Variants in TENM3 observed in about 807,000 individuals in gnomAD.
TENM3 encodes teneurin-3.
Under a neutral mutation model 255.1 loss-of-function variants are expected in TENM3, and 63 were observed. That is an observed-to-expected ratio of 0.25 (90% confidence interval 0.20 to 0.30). TENM3 has a LOEUF of 0.30. Among genes scored for constraint, TENM3 ranks in the 10% least tolerant of loss-of-function variants. The pLI is 1.00. For synonymous variants in TENM3, 1,306 were observed against 1,322.3 expected (o/e 0.99, Z 0.27); for missense variants, 2,929 against 3,461.1 (o/e 0.85, Z 3.86).
intron 1 of TENM3, among the ~76,000 whole-genome samples, chr4:182,211,742 CT>C (rs1224164902): frequency 6.6e-5 from 10 of 152,270 alleles, no homozygotes; most frequent in African/African-American, 2.4e-4. Context: ...TATGGAACTG[CT>C]TTCTGATTTA....
chr4:182,799,560 G>A lies in TENM3; in HGVS notation c.7345-36G>A. On this transcript the variant is annotated intron_variant, in intron 27 of 27. Transcript: ENST00000511685. The surrounding 1 kb of genome is among the most constrained non-coding windows in gnomAD (Gnocchi z 4.2). ...GTCAGGAGTGGGGAGGCTCCCGGCC[G>A]CCTCTGACGCGCCCCCTCTTTTGTT... is the stretch of plus-strand genomic sequence containing the variant. 6.6e-7 allele frequency: 1 copy of A among 1,521,950 alleles called. No homozygotes were observed. Among genetic ancestry groups the A allele is most frequent in the Non-Finnish European group, 8.7e-7 (1 of 1,142,898 alleles). The allele number at this position is 1,521,950 out of a possible 1,614,324, so 94.3% of individuals were successfully genotyped here.
the TENM3 span, among the ~76,000 whole-genome samples, chr4:181,563,710 C>A: frequency 6.6e-6 from 1 of 152,170 alleles, no homozygotes; most frequent in Non-Finnish European, 1.5e-5. Flanking sequence ...TTTCCACTGT[C>A]ATTTAATAAC....
chr4:182,188,680 C>G (rs865806182), intron 1 of TENM3, among the ~76,000 whole-genome samples: 7 of 152,128 alleles, frequency 4.6e-5, no homozygotes, highest in African/African-American at 9.7e-5. Context: ...CATGATTTGA[C>G]AGTATCACAT....
intron 3 of TENM3, among the ~76,000 whole-genome samples, chr4:182,513,505 A>G (rs1010684770): frequency 2.6e-5 from 4 of 152,198 alleles, no homozygotes; most frequent in East Asian, 1.9e-4. Context: ...TGAATGAAAA[A>G]AAAAAAAACC....
the TENM3 span, among the ~76,000 whole-genome samples, chr4:181,834,180 A>G: frequency 6.6e-5 from 10 of 151,568 alleles, no homozygotes; most frequent in Admixed American, 6.6e-4. Context: ...ATTTGTCCCT[A>G]TTGCCTCACT....
the TENM3 span, among the ~76,000 whole-genome samples, chr4:181,958,013 C>A: frequency 5.3e-5 from 8 of 152,128 alleles, no homozygotes; most frequent in Admixed American, 4.6e-4. Context: ...ATTATGAAGT[C>A]TTGGAAGAAA....
At chr4:182,084,973 G>A in the TENM3 span, 1 of 152,120 alleles carries the variant, frequency 6.6e-6, no homozygotes, top group Non-Finnish European at 1.5e-5. Context: ...ATGACAAAAT[G>A]CAGAGAAACA....
At chr4:182,486,712 A>G (rs11733432) in intron 3 of TENM3, among the ~76,000 whole-genome samples, 31,442 of 152,096 alleles carry the variant, frequency 0.21, 3,572 homozygotes, top group Non-Finnish European at 0.26. Flanking sequence ...TTCCATCTGG[A>G]CTGTGTCTTA....
the TENM3 span, among the ~76,000 whole-genome samples, chr4:181,594,210 G>T: frequency 6.6e-6 from 1 of 152,108 alleles, no homozygotes; most frequent in Non-Finnish European, 1.5e-5. Context: ...GATGAATAAG[G>T]TGAAGTGTGA....
chr4:182,675,728 A>G (rs1223567981), intron 7 of TENM3, among the ~76,000 whole-genome samples: 2 of 152,194 alleles, frequency 1.3e-5, no homozygotes, highest in Non-Finnish European at 2.9e-5. Context: ...ACAATAGTAA[A>G]CATGTAACTT....
intron 3 of TENM3, among the ~76,000 whole-genome samples, chr4:182,473,409 C>G (rs1016091767): frequency 6.6e-6 from 1 of 152,314 alleles, no homozygotes; most frequent in East Asian, 1.9e-4. Flanking sequence ...TGCCGTGGCT[C>G]ATGCCTGTAA....
intron 1 of TENM3, among the ~76,000 whole-genome samples, chr4:182,251,046 C>T (rs1484475701): frequency 1.3e-5 from 2 of 152,236 alleles, no homozygotes. Flanking sequence ...AGCAGAGCCT[C>T]TCAGTGTTCC....
chr4:182,759,933 A>C (rs370260235), intron 22 of TENM3, among the ~76,000 whole-genome samples: 48 of 152,328 alleles, frequency 3.2e-4, no homozygotes, highest in African/African-American at 1.1e-3. Flanking sequence ...ATATATTTAG[A>C]CATGCTACTG....
chr4:182,344,758 G>GC (rs1561345181), intron 2 of TENM3, among the ~76,000 whole-genome samples: 3 of 151,424 alleles, frequency 2.0e-5, no homozygotes, highest in African/African-American at 7.3e-5. Flanking sequence ...TGAAAAATCA[G>GC]CATGTTTGAT....
chr4:182,538,119 T>A (rs144130540), intron 3 of TENM3, among the ~76,000 whole-genome samples: 4 of 152,346 alleles, frequency 2.6e-5, no homozygotes, highest in African/African-American at 9.6e-5. Context: ...TAGTGTTTTT[T>A]ATGTTCACGT....
intron 3 of TENM3, among the ~76,000 whole-genome samples, chr4:182,566,218 A>G (rs556737752): frequency 1.8e-4 from 28 of 152,332 alleles, no homozygotes; most frequent in African/African-American, 6.3e-4. Context: ...CTTAATGTCC[A>G]TATGGCATTT....
chr4:182,434,698 TGCTTGA>T (rs1269699699), intron 3 of TENM3, among the ~76,000 whole-genome samples: 1 of 152,100 alleles, frequency 6.6e-6, no homozygotes, highest in Non-Finnish European at 1.5e-5. Flanking sequence ...TGCTTTTTTC[TGCTTGA>T]GCTTATCAAA....
At chr4:181,527,758 C>T in the TENM3 span, among the ~76,000 whole-genome samples, 1,003 of 151,184 alleles carry the variant, frequency 6.6e-3, 7 homozygotes, top group Non-Finnish European at 9.3e-3. Context: ...CATAATTCTC[C>T]CACCAAGAAA....
intron 5 of TENM3, among the ~76,000 whole-genome samples, chr4:182,633,436 G>A (rs1751570148): frequency 6.6e-6 from 1 of 152,164 alleles, no homozygotes; most frequent in Non-Finnish European, 1.5e-5. Flanking sequence ...CCAGCTTGAT[G>A]AGCAAAAAGA....
Sources: gnomAD v4.1 joint callset for allele counts (sites outside exome capture counted in the v4.1 genomes callset) on GRCh38, gnomAD v4.1.1 for gene constraint, Gnocchi (gnomAD v3.1) non-coding constraint, MANE v1.5 for transcripts, NCBI Gene and HGNC (gene_info 2026-07-23, HGNC 2026-07-21) for gene names.